The following SMG6 variants were observed in gnomAD, a reference collection of about 807,000 sequenced individuals.
SMG6 encodes SMG6 nonsense mediated mRNA decay factor, also known as telomerase-binding protein EST1A.
SMG6 carries 66 observed loss-of-function variants against 142.2 expected under a neutral mutation model. That is an observed-to-expected ratio of 0.46 (90% CI 0.38 to 0.57). The LOEUF (loss-of-function observed/expected upper bound fraction) is 0.57. Among genes scored for constraint, SMG6 ranks in the 20% least tolerant of loss-of-function variants. The pLI is 0.00. For missense variants in SMG6, 1,793 were observed against 1,832.0 expected, an observed-to-expected ratio of 0.98 and a Z score of 0.39; for synonymous variants, 779 against 702.4, an observed-to-expected ratio of 1.11 and a Z score of -1.72.
At chr17:2,237,605 T>C (rs1356152053) in intron 9 of SMG6, 4 of 980,094 alleles carry the variant, frequency 4.1e-6, no homozygotes, top group Non-Finnish European at 4.8e-6. Context: ...GGAAATAGAA[T>C]GCCCTGGCCA....
At chr17:2,243,591 G>A (rs1293818546) in intron 9 of SMG6, among the ~76,000 whole-genome samples, 2 of 152,166 alleles carry the variant, frequency 1.3e-5, no homozygotes, top group African/African-American at 4.8e-5. Context: ...TGAGGCAGAA[G>A]AATCACTTGA....
At chr17:2,278,204 CTTT>C (rs36078137) in intron 8 of SMG6, among the ~76,000 whole-genome samples, 21 of 140,710 alleles carry the variant, frequency 1.5e-4, no homozygotes, top group Non-Finnish European at 1.7e-4. Context: ...TTTATATATA[CTTT>C]TTTTTTTTTT....
intron 13 of SMG6, among the ~76,000 whole-genome samples, chr17:2,093,051 T>C (rs1311727614): frequency 3.3e-5 from 5 of 151,942 alleles, no homozygotes. Context: ...AAAAATTAGC[T>C]GGGTTAGTAG....
At chr17:2,094,474 A>G (rs1463922275) in intron 13 of SMG6, among the ~76,000 whole-genome samples, 1 of 152,032 alleles carries the variant, frequency 6.6e-6, no homozygotes, top group East Asian at 1.9e-4. Flanking sequence ...CCTTACCTCA[A>G]GTGATCCACC....
intron 15 of SMG6, among the ~76,000 whole-genome samples, chr17:2,079,623 A>T (rs2068356304): frequency 6.6e-6 from 1 of 151,864 alleles, no homozygotes; most frequent in African/African-American, 2.4e-5. Flanking sequence ...AAAAAAAAAA[A>T]GTAAAAGAAG....
intron 8 of SMG6, among the ~76,000 whole-genome samples, chr17:2,255,078 G>C (rs1034823254): frequency 6.6e-6 from 1 of 152,080 alleles, no homozygotes; most frequent in Non-Finnish European, 1.5e-5. Context: ...CTGGAGAAGT[G>C]GGCAGGGCAT....
intron 13 of SMG6, among the ~76,000 whole-genome samples, chr17:2,141,846 G>C (rs558495256): frequency 6.6e-6 from 1 of 152,186 alleles, no homozygotes; most frequent in Admixed American, 6.5e-5. Flanking sequence ...TTTTTCATTA[G>C]ATAAGAGACT....
At chr17:2,150,964 T>C (rs1193059246) in intron 13 of SMG6, among the ~76,000 whole-genome samples, 1 of 152,022 alleles carries the variant, frequency 6.6e-6, no homozygotes, top group Non-Finnish European at 1.5e-5. Context: ...TATGGCGTGC[T>C]GCCGCCTCAA....
intron 10 of SMG6, among the ~76,000 whole-genome samples, chr17:2,224,189 A>G (rs1316095869): frequency 6.6e-6 from 1 of 152,190 alleles, no homozygotes; most frequent in African/African-American, 2.4e-5. Flanking sequence ...CCTTTACCCT[A>G]AGAACATTTG....
intron 17 of SMG6, 26 bp downstream of exon 17, chr17:2,065,442 T>C (rs1427498222): frequency 1.9e-6 from 3 of 1,602,908 alleles, no homozygotes; most frequent in Non-Finnish European, 2.6e-6. Context: ...GGCTGTGGGC[T>C]TTCCCTTCCT....
intron 13 of SMG6, among the ~76,000 whole-genome samples, chr17:2,112,124 C>T (rs2069339857): frequency 6.6e-6 from 1 of 151,882 alleles, no homozygotes; most frequent in Non-Finnish European, 1.5e-5. Context: ...CTTCATTAGG[C>T]CTAACTCTTG....
At chr17:2,211,638 T>G in intron 10 of SMG6, among the ~76,000 whole-genome samples, 1 of 138,896 alleles carries the variant, frequency 7.2e-6, no homozygotes, top group South Asian at 2.2e-4. Flanking sequence ...CACTCCAGCC[T>G]GGGAGACAGA....
chr17:2,106,516 C>A (rs1376000270), intron 13 of SMG6, among the ~76,000 whole-genome samples: 1 of 152,042 alleles, frequency 6.6e-6, no homozygotes, highest in African/African-American at 2.4e-5. Flanking sequence ...GAGGAAAGGG[C>A]AAGAAGGAAG....
intron 6 of SMG6, among the ~76,000 whole-genome samples, chr17:2,287,980 A>C (rs2074944512): frequency 6.6e-6 from 1 of 152,206 alleles, no homozygotes; most frequent in African/African-American, 2.4e-5. Flanking sequence ...GTTACACTAC[A>C]ATATGAATGT....
At chr17:2,187,980 G>T (rs1386557265) in intron 11 of SMG6, among the ~76,000 whole-genome samples, 1 of 152,052 alleles carries the variant, frequency 6.6e-6, no homozygotes, top group African/African-American at 2.4e-5. Context: ...GCTCTATCTG[G>T]TCCAGTGAGT....
In SMG6 at chr17:2,061,642, G is replaced by A. The variant is rs1370971925; in HGVS notation, c.4130-20C>T. ...GCTCCTCTGTGGGCATGAGAGAGCA[G>A]AAGGCTGTCACTGAGGACAGGAGGC... On this transcript the variant is annotated intron_variant, in intron 18 of 18. Coordinates refer to ENST00000263073, the MANE Select transcript of SMG6 (RefSeq NM_017575.5). 2 of 1,564,016 alleles carry A rather than the reference G, an allele frequency of 1.3e-6. No homozygotes were observed. Among genetic ancestry groups the A allele is most frequent in the Non-Finnish European group, 1.7e-6 (2 of 1,154,286 alleles).
intron 10 of SMG6, among the ~76,000 whole-genome samples, chr17:2,195,677 T>G (rs1345845812): frequency 6.6e-6 from 1 of 152,204 alleles, no homozygotes; most frequent in East Asian, 1.9e-4. Flanking sequence ...TTTTGAGACC[T>G]ATGTTAGGCA....
Position 2,060,982 on chromosome 17 carries a change from G to A in SMG6, c.*510C>T, listed in dbSNP as rs1325515499. ...CATGGGCGAGTCCAGGCCTCAGGGA[G>A]ACTGGGGACACACACCCTGGGCACT... On this transcript the variant is annotated 3_prime_UTR_variant, in exon 19 of 19. Coordinates refer to ENST00000263073, the MANE Select transcript of SMG6 (RefSeq NM_017575.5). 5 of 155,190 alleles carry A rather than the reference G, an allele frequency of 3.2e-5. No homozygotes were observed. Among genetic ancestry groups the A allele is most frequent in the African/African-American group, 1.2e-4 (5 of 41,462 alleles). 9.6% of individuals were successfully genotyped at this position (155,190 alleles called of 1,614,324 possible). A position where few individuals can be genotyped will look rare whatever the true frequency, so the allele number is the denominator to read the frequency against.
intron 10 of SMG6, among the ~76,000 whole-genome samples, chr17:2,200,702 T>A (rs1403549480): frequency 6.6e-6 from 1 of 152,092 alleles, no homozygotes; most frequent in Non-Finnish European, 1.5e-5. Flanking sequence ...ACACACAATT[T>A]AATTTAATTT....
Sources: gnomAD v4.1 joint callset for allele counts (sites outside exome capture counted in the v4.1 genomes callset) on GRCh38, gnomAD v4.1.1 for gene constraint, MANE v1.5 for transcripts, NCBI Gene and HGNC (gene_info 2026-07-23, HGNC 2026-07-21) for gene names.